RIMS1: variants seen among roughly 807,000 people sequenced by gnomAD.
The protein encoded by RIMS1 is regulating synaptic membrane exocytosis 1, also known as regulating synaptic membrane exocytosis protein 1.
Under a neutral mutation model 214.1 loss-of-function variants are expected in RIMS1, and 83 were observed. That is an observed-to-expected ratio of 0.39 (90% CI 0.32 to 0.47). The LOEUF (loss-of-function observed/expected upper bound fraction) is 0.47. RIMS1 is among the 20% of genes least tolerant of loss of function. The pLI is 0.99. For missense variants in RIMS1, 2,050 were observed against 2,161.8 expected (o/e 0.95, Z 1.03); for synonymous variants, 793 against 786.8 (o/e 1.01, Z -0.13).
rs150777083 is a variant in RIMS1 at position 72,032,668 on chromosome 6, C to A, written c.245+63605C>A. Among the ~76,000 whole-genome samples the A allele has an allele frequency of 2.0e-5, 3 of 152,208 alleles. No homozygotes were observed. The East Asian group carries it at 5.8e-4, about 29-fold the overall frequency. ...AAATAAAATGTGTAAAATAAATTCA[C>A]AATGGGAAGCAGACCACGGAAGAGT... On this transcript the variant is annotated intron_variant, in intron 2 of 33. Transcript: ENST00000521978.
intron 12 of RIMS1, among the ~76,000 whole-genome samples, chr6:72,248,798 C>T (rs1410949694): frequency 6.6e-6 from 1 of 151,096 alleles, no homozygotes; most frequent in East Asian, 2.0e-4. Flanking sequence ...TGTGGTTTGC[C>T]TTTGTGGTTT....
chr6:72,386,547 C>T (rs2098604576), intron 29 of RIMS1, among the ~76,000 whole-genome samples: 2 of 152,122 alleles, frequency 1.3e-5, no homozygotes, highest in Admixed American at 6.6e-5. Context: ...GGACTGATCC[C>T]CGCAGTGTAC....
At chr6:72,297,614 C>A (rs185155878) in intron 26 of RIMS1, among the ~76,000 whole-genome samples, 31 of 152,046 alleles carry the variant, frequency 2.0e-4, no homozygotes, top group African/African-American at 7.5e-4. Context: ...CATCACCCCT[C>A]CAAGCGTTCC....
chr6:72,237,773 C>A, intron 8 of RIMS1, 50 bp from the exon 9 acceptor site: 1 of 1,271,218 alleles, frequency 7.9e-7, no homozygotes, highest in Non-Finnish European at 1.1e-6. Context: ...AACTAATAAG[C>A]TTATGTTTTA....
intron 4 of RIMS1, among the ~76,000 whole-genome samples, chr6:72,119,275 A>C (rs2037726764): frequency 6.6e-6 from 1 of 151,544 alleles, no homozygotes; most frequent in Non-Finnish European, 1.5e-5. Flanking sequence ...AAAGACCTGT[A>C]CAAGGAAAGT....
intron 28 of RIMS1, among the ~76,000 whole-genome samples, chr6:72,331,615 A>G (rs1564145311): frequency 6.6e-6 from 1 of 151,892 alleles, no homozygotes; most frequent in Non-Finnish European, 1.5e-5. Flanking sequence ...TGGTGAAGAC[A>G]CAGAAGAAAT....
At chr6:72,343,550 ATCTTCC>A (rs1195139325) in intron 29 of RIMS1, among the ~76,000 whole-genome samples, 1 of 117,904 alleles carries the variant, frequency 8.5e-6, no homozygotes, top group East Asian at 2.4e-4. Context: ...GCCTCAAATG[ATCTTCC>A]TGCCTCAGCC....
intron 6 of RIMS1, chr6:72,216,878 A>C: frequency 9.3e-7 from 1 of 1,073,586 alleles, no homozygotes; most frequent in South Asian, 3.9e-5. Flanking sequence ...TGTATGCTAC[A>C]CTGGGAGCCA....
intron 29 of RIMS1, among the ~76,000 whole-genome samples, chr6:72,367,770 A>G (rs771143906): frequency 6.6e-6 from 1 of 152,202 alleles, no homozygotes; most frequent in South Asian, 2.1e-4. Context: ...TTTATCAGTA[A>G]CTTCCTTTCT....
At chr6:72,006,805 G>A (rs1263052342) in intron 2 of RIMS1, among the ~76,000 whole-genome samples, 1 of 152,214 alleles carries the variant, frequency 6.6e-6, no homozygotes, top group Admixed American at 6.5e-5. Context: ...TGAGGTTTGA[G>A]TAGGTAAACA....
At chr6:72,054,743 A>G (rs188946174) in intron 2 of RIMS1, among the ~76,000 whole-genome samples, 75 of 152,224 alleles carry the variant, frequency 4.9e-4, no homozygotes, top group African/African-American at 1.8e-3. Flanking sequence ...GTGTCTGTTC[A>G]TATCCTTTGC....
intron 28 of RIMS1, chr6:72,316,899 C>T (rs762180084): frequency 1.0e-4 from 86 of 842,272 alleles, no homozygotes; most frequent in Non-Finnish European, 1.7e-4. Flanking sequence ...GTGTCCCCCA[C>T]TGGACAGCCA....
intron 1 of RIMS1, among the ~76,000 whole-genome samples, chr6:71,954,926 C>T (rs953800556): frequency 3.3e-5 from 5 of 151,580 alleles, no homozygotes; most frequent in African/African-American, 1.2e-4. Context: ...TTCTTGTCAT[C>T]ATTGATTACT....
rs1207314231 is a variant in RIMS1 at position 72,235,690 on chromosome 6, A to G, written c.1819A>G (p.Thr607Ala). Residue 607 changes from threonine to alanine, a missense_variant, in exon 8 of 34, where the codon ACC becomes GCC. By Grantham distance (58) the Thr-to-Ala change is moderately conservative (BLOSUM62 0). Transcript: ENST00000521978. ...IGRVILNKRT[T>A]MPKDSGALLG... is the part of the protein sequence containing the mutation. ...ACGTGTTATTCTTAACAAGAGAACA[A>G]CCATGCCCAAAGACTCAGGTGCATT... 3 of 1,609,670 alleles carry G rather than the reference A, an allele frequency of 1.9e-6. No individual in the cohort carries two copies. Among genetic ancestry groups the G allele is most frequent in the Non-Finnish European group, 2.5e-6 (3 of 1,177,652 alleles).
chr6:71,914,330 A>G (rs976384994), intron 1 of RIMS1, among the ~76,000 whole-genome samples: 6 of 152,074 alleles, frequency 3.9e-5, no homozygotes, highest in African/African-American at 1.4e-4. Flanking sequence ...AGGAAGTTAG[A>G]GATTTCTTTT....
chr6:71,913,765 T>C (rs1468625123), intron 1 of RIMS1, among the ~76,000 whole-genome samples: 1 of 152,112 alleles, frequency 6.6e-6, no homozygotes, highest in Non-Finnish European at 1.5e-5. Flanking sequence ...AGGCCTTCCA[T>C]TGAGCCCTGA....
intron 2 of RIMS1, among the ~76,000 whole-genome samples, chr6:71,984,332 G>A (rs1250893707): frequency 1.3e-5 from 2 of 151,872 alleles, no homozygotes; most frequent in Non-Finnish European, 2.9e-5. Context: ...CTAATGTTAA[G>A]AGGATGATCT....
intron 29 of RIMS1, among the ~76,000 whole-genome samples, chr6:72,378,669 A>AAAT (rs970384167): frequency 2.6e-5 from 4 of 151,966 alleles, no homozygotes; most frequent in East Asian, 1.9e-4. Context: ...GTCTCTACTA[A>AAAT]AATAATAATA....
chr6:72,271,269 G>GGAAA (rs1230678425), intron 22 of RIMS1, among the ~76,000 whole-genome samples: 1 of 52,794 alleles, frequency 1.9e-5, no homozygotes, highest in African/African-American at 5.5e-5. Context: ...CCATCTCAAG[G>GGAAA]AAAAAAAAAA....
Sources: gnomAD v4.1 joint callset for allele counts (sites outside exome capture counted in the v4.1 genomes callset) on GRCh38, gnomAD v4.1.1 for gene constraint, MANE v1.5 for transcripts, NCBI Gene and HGNC (gene_info 2026-07-23, HGNC 2026-07-21) for gene names.